Variants in TBCD observed in about 807,000 individuals in gnomAD.
TBCD encodes tubulin-specific chaperone D.
In TBCD, 105 loss-of-function variants were observed where a neutral mutation model predicts 169.3. The observed-to-expected ratio is 0.62, with a 90% CI of 0.53 to 0.73. The LOEUF (loss-of-function observed/expected upper bound fraction) is 0.73. Ranked by LOEUF, TBCD falls within the 30% of genes least tolerant of loss-of-function variation. The pLI is 0.00. For missense variants in TBCD, 1,444 were observed against 1,600.1 expected, an observed-to-expected ratio of 0.90 and a Z score of 1.66; for synonymous variants, 700 against 643.9, an observed-to-expected ratio of 1.09 and a Z score of -1.32.
intron 36 of TBCD, chr17:82,938,914 G>C (rs1053222825): frequency 9.6e-6 from 1 of 104,484 alleles, no homozygotes; most frequent in African/African-American, 4.4e-5. Context: ...TCTCTGGTGA[G>C]GTAGCAGGTT....
At chr17:82,925,641 C>T (rs946357356) in intron 27 of TBCD, among the ~76,000 whole-genome samples, 1 of 152,232 alleles carries the variant, frequency 6.6e-6, no homozygotes, top group Non-Finnish European at 1.5e-5. Context: ...CTTGGCACTT[C>T]AGGATCTGCA....
At chr17:82,822,920 G>C (rs567115908) in intron 13 of TBCD, among the ~76,000 whole-genome samples, 9 of 152,272 alleles carry the variant, frequency 5.9e-5, no homozygotes, top group African/African-American at 2.2e-4. Context: ...AGCTTGAACC[G>C]GGTTCCCAGG....
Position 82,813,465 on chromosome 17 carries a change from C to T in TBCD, c.1224-1375C>T, listed in dbSNP as rs924427392. Among the ~76,000 whole-genome samples the T allele has an allele frequency of 6.6e-5, 10 of 152,234 alleles. No individual in the cohort carries two copies. The Middle Eastern group carries it at 0.017, about 259-fold the overall frequency. On this transcript the variant is annotated intron_variant, in intron 12 of 38. Coordinates refer to ENST00000355528, the MANE Select transcript of TBCD (RefSeq NM_005993.5). ...GTGTCCATGGACAGGGTCCCCTGTC[C>T]GGTTCCACTGTGCCGTGGTGGTGCT...
chr17:82,847,690 T>A (rs1034589022), intron 13 of TBCD, among the ~76,000 whole-genome samples: 5 of 152,110 alleles, frequency 3.3e-5, no homozygotes, highest in African/African-American at 4.8e-5. Flanking sequence ...CAGGCTGGAG[T>A]GCAGTAGTGC....
intron 13 of TBCD, among the ~76,000 whole-genome samples, chr17:82,867,781 A>G (rs533028941): frequency 6.6e-6 from 1 of 152,350 alleles, no homozygotes; most frequent in East Asian, 1.9e-4. Context: ...AATGTTTGAC[A>G]TTTACAAGAA....
intron 2 of TBCD, among the ~76,000 whole-genome samples, chr17:82,760,463 T>A (rs938156856): frequency 1.3e-5 from 2 of 152,332 alleles, no homozygotes; most frequent in South Asian, 2.1e-4. Flanking sequence ...GACTTTTTTT[T>A]AGGTTTATTT....
chr17:82,823,005 G>C (rs1045119684), intron 13 of TBCD, among the ~76,000 whole-genome samples: 2 of 152,204 alleles, frequency 1.3e-5, no homozygotes, highest in African/African-American at 4.8e-5. Flanking sequence ...CCTTCAGAAG[G>C]GATATTTTAT....
chr17:82,822,068 C>G (rs1353493017), intron 13 of TBCD, among the ~76,000 whole-genome samples: 1 of 152,180 alleles, frequency 6.6e-6, no homozygotes, highest in Non-Finnish European at 1.5e-5. Context: ...GTTAAAAGCA[C>G]CATTCAGTAG....
At chr17:82,850,221 C>CCTGTGCTGT (rs2055628018) in intron 13 of TBCD, among the ~76,000 whole-genome samples, 1 of 77,706 alleles carries the variant, frequency 1.3e-5, no homozygotes. Context: ...GGCTGTGCTG[C>CCTGTGCTGT]TGTTGGCTGT....
rs1598613007 is a variant in TBCD at position 82,806,159 on chromosome 17, C to G, written c.1087+148C>G. The G allele has an allele frequency of 2.7e-6, 3 of 1,092,122 alleles. No homozygotes were observed. The East Asian group carries it at 7.9e-5, about 29-fold the overall frequency. 67.7% of individuals were successfully genotyped at this position (1,092,122 alleles called of 1,614,324 possible). On this transcript the variant is annotated intron_variant, in intron 10 of 38. Coordinates refer to ENST00000355528, the MANE Select transcript of TBCD (RefSeq NM_005993.5). The surrounding 1 kb of genome is among the most constrained non-coding windows in gnomAD (Gnocchi z 5.1). ...CGCTGAGTGCACGGTCACTGCCCGT[C>G]CTCTGGCTCCTGAACCCAGGCCTGT... is the stretch of plus-strand genomic sequence containing the variant.
intron 13 of TBCD, among the ~76,000 whole-genome samples, chr17:82,836,138 G>T (rs1241155761): frequency 1.3e-5 from 2 of 152,248 alleles, no homozygotes; most frequent in South Asian, 2.1e-4. Flanking sequence ...AGTCCCTACC[G>T]TGTGGGGCAG....
At chr17:82,793,027 C>T (rs531176278) in intron 7 of TBCD, among the ~76,000 whole-genome samples, 14 of 152,182 alleles carry the variant, frequency 9.2e-5, no homozygotes, top group African/African-American at 1.7e-4. Flanking sequence ...CCTCCCAAAG[C>T]GCTCGGATTC....
At chr17:82,758,392 A>AAAAAAT (rs2047532464) in intron 2 of TBCD, among the ~76,000 whole-genome samples, 4 of 125,432 alleles carry the variant, frequency 3.2e-5, no homozygotes, top group Admixed American at 2.3e-4. Context: ...CGGAAAAAAA[A>AAAAAAT]AAAAAAAAAA....
intron 38 of TBCD, chr17:82,941,803 C>A: frequency 2.6e-6 from 1 of 391,780 alleles, no homozygotes; most frequent in Non-Finnish European, 4.6e-6. Context: ...GCCAAGAGTG[C>A]CACCCTACCC....
At chr17:82,896,087 C>A in intron 17 of TBCD, 1 of 152,416 alleles carries the variant, frequency 6.6e-6, no homozygotes. Context: ...TTCGGGGTCC[C>A]TCCCCTCCCA....
chr17:82,810,068 G>A (rs191337495), intron 12 of TBCD, among the ~76,000 whole-genome samples: 2 of 152,292 alleles, frequency 1.3e-5, no homozygotes, highest in East Asian at 1.9e-4. Flanking sequence ...AGTGAGTTGG[G>A]GCTGCTCCGA....
intron 6 of TBCD, among the ~76,000 whole-genome samples, chr17:82,776,251 G>A (rs2048590849): frequency 1.3e-5 from 2 of 152,016 alleles, no homozygotes; most frequent in African/African-American, 2.4e-5. Flanking sequence ...ATGCAGAAAA[G>A]TTGGAAATCT....
At chr17:82,766,726 T>C (rs2144005052) in intron 4 of TBCD, among the ~76,000 whole-genome samples, 1 of 152,302 alleles carries the variant, frequency 6.6e-6, no homozygotes, top group Admixed American at 6.5e-5. Context: ...GCACTCAGCA[T>C]AGAGTCCTCC....
chr17:82,830,062 A>G (rs2053336739), intron 13 of TBCD: 2 of 1,581,612 alleles, frequency 1.3e-6, no homozygotes, highest in Non-Finnish European at 1.7e-6. Flanking sequence ...TGAAAGTGCC[A>G]GTTCAGAGGT....
Sources: allele counts gnomAD v4.1 joint callset (sites outside exome capture counted in the v4.1 genomes callset), GRCh38; gene constraint gnomAD v4.1.1; non-coding constraint Gnocchi (gnomAD v3.1); transcripts MANE v1.5; gene names NCBI Gene and HGNC (gene_info 2026-07-23, HGNC 2026-07-21).